Variants in ERGIC1 observed in about 807,000 individuals in gnomAD.
The protein encoded by ERGIC1 is endoplasmic reticulum-golgi intermediate compartment 1.
ERGIC1 carries 19 observed loss-of-function variants against 38.3 expected under a neutral mutation model. The ratio of observed to expected loss-of-function variants is 0.50; its 90% CI spans 0.35 to 0.73. The LOEUF (loss-of-function observed/expected upper bound fraction) is 0.73, where lower values mean the gene tolerates loss of function less well. Ranked by LOEUF, ERGIC1 falls within the 30% of genes least tolerant of loss-of-function variation. The pLI is 0.01. For missense variants in ERGIC1, 294 were observed against 389.2 expected (o/e 0.76, Z 2.06); for synonymous variants, 124 against 157.6 (o/e 0.79, Z 1.60).
chr5:172,918,918 C>T (rs1763443425), intron 5 of ERGIC1, among the ~76,000 whole-genome samples: 1 of 152,156 alleles, frequency 6.6e-6, no homozygotes, highest in Non-Finnish European at 1.5e-5. Flanking sequence ...CCTTCCCTGC[C>T]CACCCACATT....
At chr5:172,904,781 A>ACGAAGG (rs769516362) in intron 3 of ERGIC1, among the ~76,000 whole-genome samples, 8 of 152,268 alleles carry the variant, frequency 5.3e-5, no homozygotes, top group Non-Finnish European at 1.2e-4. Context: ...TGCCTTGGAC[A>ACGAAGG]CGAAGGCGAA....
rs1335074755 is a variant in ERGIC1, at chr5:172,946,686, CTT to C, written c.766-4021_766-4020del. On this transcript the variant is annotated intron_variant, in intron 9 of 9. Transcript: ENST00000393784. Reference sequence around the variant, plus strand: ...GCCCTGGCACTGGGCATTTCTGAATCTTTCCATATGTCAGAATCCAGGAAGTG... The same window carrying C: ...GCCCTGGCACTGGGCATTTCTGAATCTCCATATGTCAGAATCCAGGAAGTG... Among the ~76,000 whole-genome samples the C allele has an allele frequency of 2.0e-5, 3 of 152,328 alleles. No individual in the cohort carries two copies. In the South Asian group the frequency reaches 6.2e-4, roughly 32 times the overall value.
chr5:172,854,773 G>GT (rs1247377385), intron 1 of ERGIC1, among the ~76,000 whole-genome samples: 1 of 152,276 alleles, frequency 6.6e-6, no homozygotes, highest in African/African-American at 2.4e-5. Context: ...TTTCTTAAGT[G>GT]TATGTACAGC....
intron 7 of ERGIC1, among the ~76,000 whole-genome samples, chr5:172,932,067 C>T (rs1462398412): frequency 6.6e-6 from 1 of 152,122 alleles, no homozygotes; most frequent in African/African-American, 2.4e-5. Context: ...CCATCTTGGG[C>T]AGGCTGGTCT....
intron 1 of ERGIC1, among the ~76,000 whole-genome samples, chr5:172,887,194 A>G (rs750169228): frequency 2.0e-4 from 31 of 152,174 alleles, no homozygotes; most frequent in Non-Finnish European, 4.0e-4. Flanking sequence ...TTGTTTCCCA[A>G]TCACCAAAGA....
chr5:172,909,118 C>T (rs114191113), intron 3 of ERGIC1, among the ~76,000 whole-genome samples: 4,969 of 151,584 alleles, frequency 0.033, 83 homozygotes, highest in South Asian at 0.085. Flanking sequence ...CTCTTACCAC[C>T]GTGCTATCTG....
At chr5:172,889,039 C>T (rs985347372) in intron 2 of ERGIC1, among the ~76,000 whole-genome samples, 4 of 152,238 alleles carry the variant, frequency 2.6e-5, no homozygotes, top group Admixed American at 6.5e-5. Flanking sequence ...AATCCCAACA[C>T]TTTGGGAGGC....
chr5:172,919,318 C>T (rs1041108358), intron 5 of ERGIC1, among the ~76,000 whole-genome samples: 1 of 152,172 alleles, frequency 6.6e-6, no homozygotes, highest in Admixed American at 6.5e-5. Flanking sequence ...TCACTGTGGG[C>T]CCCCCGCCCC....
At chr5:172,945,738 G>A (rs1764108076) in intron 9 of ERGIC1, among the ~76,000 whole-genome samples, 1 of 152,174 alleles carries the variant, frequency 6.6e-6, no homozygotes, top group African/African-American at 2.4e-5. Context: ...CGCCTGGAGT[G>A]CAGTGGCTGA....
At chr5:172,935,411 G>T in intron 9 of ERGIC1, 101 bp downstream of exon 9, 1 of 1,533,422 alleles carries the variant, frequency 6.5e-7, no homozygotes, top group Non-Finnish European at 8.9e-7. Context: ...GCTGAAACAG[G>T]AGGCAGCCTG....
chr5:172,879,277 G>A (rs1180148905), intron 1 of ERGIC1, among the ~76,000 whole-genome samples: 1 of 152,232 alleles, frequency 6.6e-6, no homozygotes, highest in Non-Finnish European at 1.5e-5. Flanking sequence ...TGGGAGCAGG[G>A]GAAGACGTGT....
intron 3 of ERGIC1, among the ~76,000 whole-genome samples, chr5:172,904,330 C>T (rs140329981): frequency 1.6e-3 from 237 of 152,356 alleles, no homozygotes; most frequent in African/African-American, 5.2e-3. Context: ...CAGTAGCCCC[C>T]ACCACTATTA....
chr5:172,852,124 G>A (rs1250057006), intron 1 of ERGIC1, among the ~76,000 whole-genome samples: 1 of 152,128 alleles, frequency 6.6e-6, no homozygotes, highest in African/African-American at 2.4e-5. Flanking sequence ...GCATTGCCAT[G>A]ATTTGATTGG....
chr5:172,883,925 A>G (rs971043363), intron 1 of ERGIC1, among the ~76,000 whole-genome samples: 6 of 152,182 alleles, frequency 3.9e-5, no homozygotes, highest in Non-Finnish European at 8.8e-5. Context: ...TTGAGGCTGC[A>G]GTGAGTCATC....
intron 1 of ERGIC1, among the ~76,000 whole-genome samples, chr5:172,867,933 A>G (rs1761911475): frequency 6.6e-6 from 1 of 152,142 alleles, no homozygotes; most frequent in African/African-American, 2.4e-5. Context: ...TCCCCATTTT[A>G]CTGATGAGTA....
intron 1 of ERGIC1, chr5:172,867,250 A>T (rs934583691): frequency 2.9e-5 from 13 of 450,956 alleles, no homozygotes; most frequent in Non-Finnish European, 5.4e-5. Context: ...CTGACACTGC[A>T]TGGTCAGGGT....
intron 1 of ERGIC1, among the ~76,000 whole-genome samples, chr5:172,873,439 A>T (rs769975669): frequency 3.0e-4 from 45 of 152,338 alleles, no homozygotes; most frequent in Non-Finnish European, 5.0e-4. Flanking sequence ...GCCCCTCTCC[A>T]GCCTTGCCCA....
intron 7 of ERGIC1, among the ~76,000 whole-genome samples, chr5:172,928,245 G>T (rs562418328): frequency 3.3e-5 from 5 of 152,190 alleles, no homozygotes; most frequent in Admixed American, 3.3e-4. Flanking sequence ...GCCTTCTCCA[G>T]GGCTAGTGGC....
intron 1 of ERGIC1, among the ~76,000 whole-genome samples, chr5:172,869,885 C>T (rs564679602): frequency 1.3e-5 from 2 of 152,284 alleles, no homozygotes; most frequent in East Asian, 3.9e-4. Flanking sequence ...GCAAATATTC[C>T]TATTCCCATG....
Sources: allele counts gnomAD v4.1 joint callset (sites outside exome capture counted in the v4.1 genomes callset), GRCh38; gene constraint gnomAD v4.1.1; transcripts MANE v1.5; gene names NCBI Gene and HGNC (gene_info 2026-07-23, HGNC 2026-07-21).